The following CDC42BPA variants were observed in gnomAD, a reference collection of about 807,000 sequenced individuals.
The protein encoded by CDC42BPA is serine/threonine-protein kinase MRCK alpha.
Under a neutral mutation model 223.5 loss-of-function variants are expected in CDC42BPA, and 80 were observed. That is an observed-to-expected ratio of 0.36 (90% CI 0.30 to 0.43). CDC42BPA has a LOEUF of 0.43. CDC42BPA is among the 20% of genes least tolerant of loss of function. The pLI is 1.00. For synonymous variants in CDC42BPA, 694 were observed against 718.6 expected (o/e 0.97, Z 0.55); for missense variants, 1,743 against 2,099.9 (o/e 0.83, Z 3.32).
At chr1:227,045,623 C>A (rs1354235397) in intron 23 of CDC42BPA, among the ~76,000 whole-genome samples, 1 of 152,068 alleles carries the variant, frequency 6.6e-6, no homozygotes, top group Non-Finnish European at 1.5e-5. Context: ...ATTTTCTTTT[C>A]CTAATTTCTA....
intron 1 of CDC42BPA, among the ~76,000 whole-genome samples, chr1:227,277,910 C>T (rs942989354): frequency 5.3e-5 from 8 of 152,038 alleles, no homozygotes; most frequent in African/African-American, 1.4e-4. Flanking sequence ...CCACGACGCC[C>T]GGCTAATTTT....
At chr1:227,133,401 C>A (rs576287081) in intron 10 of CDC42BPA, among the ~76,000 whole-genome samples, 1 of 152,080 alleles carries the variant, frequency 6.6e-6, no homozygotes, top group Non-Finnish European at 1.5e-5. Context: ...CGCTTCTGCC[C>A]GGCCGCCCCT....
chr1:227,220,285 TATATATATA>T (rs1558796169), intron 2 of CDC42BPA, among the ~76,000 whole-genome samples: 4 of 57,594 alleles, frequency 6.9e-5, no homozygotes, highest in Non-Finnish European at 1.1e-4. Flanking sequence ...AGTCATGTTA[TATATATATA>T]TATATATATA....
chr1:227,027,421 C>T (rs541727024), intron 30 of CDC42BPA, among the ~76,000 whole-genome samples: 49 of 152,292 alleles, frequency 3.2e-4, no homozygotes, highest in Non-Finnish European at 5.3e-4. Flanking sequence ...AGGTTTTACT[C>T]CTCCTGCCCC....
intron 1 of CDC42BPA, among the ~76,000 whole-genome samples, chr1:227,276,298 CGTCTGGGAGGTGAGGAGCGT>C (rs1269732480): frequency 1.3e-5 from 2 of 150,500 alleles, no homozygotes; most frequent in Middle Eastern, 3.3e-3. Flanking sequence ...ACTGCCAACC[CGTCTGGGAGGTGAGGAGCGT>C]GTCTGGGAGG....
rs756838979 is a variant in CDC42BPA at position 226,994,957 on chromosome 1, C to A, written c.4999G>T (p.Ala1667Ser). 6.2e-7 allele frequency: 1 copy of A among 1,613,900 alleles called. No individual in the cohort carries two copies. Among genetic ancestry groups the A allele is most frequent in the Non-Finnish European group, 8.5e-7 (1 of 1,179,966 alleles). Residue 1667 changes from alanine to serine, a missense_variant, in exon 36 of 37, where the codon GCA (alanine) becomes TCA (serine). Ala to Ser is a moderately conservative substitution (Grantham distance 99). Transcript: ENST00000366766. The surrounding 1 kb of genome is among the most constrained non-coding windows in gnomAD (Gnocchi z 4.0). ...SARSSAQNGS[A>S]LKREFSGGSY... ...CCTCCAGAGAATTCCCTCTTTAATG[C>A]GCTGCCATTCTGTGCGGATGACCCT...
chr1:227,098,828 T>A (rs1684468641), intron 15 of CDC42BPA, among the ~76,000 whole-genome samples: 1 of 151,900 alleles, frequency 6.6e-6, no homozygotes, highest in Non-Finnish European at 1.5e-5. Context: ...GTATTCAGAG[T>A]GATCCTATTA....
At chr1:227,107,097 A>T (rs1686064767) in intron 14 of CDC42BPA, among the ~76,000 whole-genome samples, 1 of 152,216 alleles carries the variant, frequency 6.6e-6, no homozygotes, top group Non-Finnish European at 1.5e-5. Flanking sequence ...AAGACTTTGA[A>T]TTTTGATAGG....
rs150335284 is a variant in CDC42BPA, at chr1:227,267,002, A to T, written c.179-12847T>A. Among the ~76,000 whole-genome samples, 65 of 152,304 alleles carry T rather than the reference A, an allele frequency of 4.3e-4. 1 individual carries two copies. The highest frequency in any genetic ancestry group is 1.5e-3 in the African/African-American group (63 of 41,558). ...ATGAGATCAGAAAGAGCAGGAAAAC[A>T]TTGGTTTAAAGTTGTTGGGGAAGGC... On this transcript the variant is annotated intron_variant, in intron 1 of 36. Coordinates refer to ENST00000366766, the MANE Select transcript of CDC42BPA (RefSeq NM_001394014.1).
chr1:227,195,751 T>C (rs1270216751), intron 4 of CDC42BPA, among the ~76,000 whole-genome samples: 1 of 152,210 alleles, frequency 6.6e-6, no homozygotes, highest in East Asian at 1.9e-4. Flanking sequence ...AATTGAATAT[T>C]TGGTACTCCT....
intron 1 of CDC42BPA, among the ~76,000 whole-genome samples, chr1:227,283,878 T>G (rs576008071): frequency 1.1e-4 from 16 of 152,180 alleles, no homozygotes; most frequent in African/African-American, 3.9e-4. Context: ...TGAGATGGGA[T>G]TTTGCCATGT....
Position 226,994,438 on chromosome 1 carries a change from G to A in CDC42BPA, c.5134-39C>T. On this transcript the variant is annotated intron_variant, in intron 36 of 36. Transcript: ENST00000366766. The surrounding 1 kb of genome is among the most constrained non-coding windows in gnomAD (Gnocchi z 4.0). ...AGTAAAACATTAATGAGAAGGAGGG[G>A]GAGAAAGGGAGGCAGAAGGGGCTCA... 1 of 1,456,516 alleles carries A rather than the reference G, an allele frequency of 6.9e-7. No homozygotes were observed. The highest frequency in any genetic ancestry group is 9.1e-7 in the Non-Finnish European group (1 of 1,098,878). The allele number at this position is 1,456,516 out of a possible 1,614,324, so 90.2% of individuals were successfully genotyped here.
intron 21 of CDC42BPA, among the ~76,000 whole-genome samples, chr1:227,054,548 C>T (rs939355244): frequency 6.6e-6 from 1 of 152,136 alleles, no homozygotes; most frequent in African/African-American, 2.4e-5. Context: ...GTTTGCTGAT[C>T]CTATGAAAAT....
intron 6 of CDC42BPA, among the ~76,000 whole-genome samples, chr1:227,150,493 A>G (rs948015671): frequency 6.9e-4 from 105 of 152,298 alleles, no homozygotes; most frequent in Non-Finnish European, 4.4e-5. Context: ...ACCTACCTAA[A>G]TTATGATACA....
intron 2 of CDC42BPA, among the ~76,000 whole-genome samples, chr1:227,252,244 A>G (rs1248681884): frequency 1.3e-5 from 2 of 152,152 alleles, no homozygotes; most frequent in African/African-American, 4.8e-5. Flanking sequence ...AAGATAATAA[A>G]CTGATAAACC....
chr1:227,206,124 C>T (rs796756184), intron 3 of CDC42BPA, among the ~76,000 whole-genome samples: 2 of 152,138 alleles, frequency 1.3e-5, no homozygotes, highest in South Asian at 2.1e-4. Flanking sequence ...TAAACTATAC[C>T]GCATCTCCTC....
At chr1:227,203,192 G>C (rs549952375) in intron 3 of CDC42BPA, among the ~76,000 whole-genome samples, 1 of 152,080 alleles carries the variant, frequency 6.6e-6, no homozygotes, top group Non-Finnish European at 1.5e-5. Context: ...TAAATATCTA[G>C]CTATTAAATG....
intron 8 of CDC42BPA, among the ~76,000 whole-genome samples, chr1:227,143,496 G>T (rs533134940): frequency 6.4e-4 from 97 of 152,282 alleles, no homozygotes; most frequent in African/African-American, 2.2e-3. Flanking sequence ...GGTCTCTTTG[G>T]TGTCATGCAT....
intron 1 of CDC42BPA, 33 bp from the exon 2 acceptor site, chr1:227,254,188 T>A: frequency 1.8e-6 from 2 of 1,098,104 alleles, no homozygotes; most frequent in Non-Finnish European, 2.7e-6. Context: ...ATTATTTTCT[T>A]AATAAAATGT....
Sources: allele counts gnomAD v4.1 joint callset (sites outside exome capture counted in the v4.1 genomes callset), GRCh38; gene constraint gnomAD v4.1.1; non-coding constraint Gnocchi (gnomAD v3.1); transcripts MANE v1.5; gene names NCBI Gene and HGNC (gene_info 2026-07-23, HGNC 2026-07-21).